CACNA1H: variants seen among roughly 807,000 people sequenced by gnomAD.
CACNA1H encodes the protein voltage-dependent T-type calcium channel subunit alpha-1H.
CACNA1H carries 149 observed loss-of-function variants against 192.5 expected under a neutral mutation model. The ratio of observed to expected loss-of-function variants is 0.77; its 90% CI spans 0.68 to 0.89. CACNA1H has a LOEUF of 0.89. Among genes scored for constraint, CACNA1H ranks in the 40% least tolerant of loss-of-function variants. The pLI is 0.00. For missense variants in CACNA1H, 4,257 were observed against 3,423.5 expected (o/e 1.24, Z -6.08); for synonymous variants, 2,202 against 1,475.2 (o/e 1.49, Z -11.29).
At position 1,167,596 on chromosome 16, in the gene CACNA1H, GGGGTTGC is replaced by G; in HGVS notation, c.299+13561_299+13567del. 1.3e-5 allele frequency among the ~76,000 whole-genome samples: 2 copies of G among 152,316 alleles called. No individual in the cohort carries two copies. The highest frequency in any genetic ancestry group is 3.4e-3 in the Middle Eastern group (1 of 294). ...TCCTCACCGCGGCGGTGCCACTAAT[GGGGTTGC>G]CGTGGCAACGCCTGTCACTAATCCC... On this transcript the variant is annotated intron_variant, in intron 2 of 34. Coordinates refer to ENST00000348261, the MANE Select transcript of CACNA1H (RefSeq NM_021098.3). This position sits in a 1 kb window ranked among gnomAD's most constrained non-coding sequence, Gnocchi z 4.2.
In CACNA1H at chr16:1,204,359, C is replaced by T; in HGVS notation, c.2352C>T (p.Gly784=). 6.3e-7 allele frequency: 1 copy of T among 1,576,012 alleles called. No homozygotes were observed. Among genetic ancestry groups the T allele is most frequent in the Non-Finnish European group, 8.6e-7 (1 of 1,161,868 alleles). ...WMGRLWVTFS[G]KLRRIVDSKY... is the part of the protein sequence containing the mutation. ...GCCGCCTCTGGGTTACCTTCAGCGGCAAGCTGCGCCGCATCGTGGACAGCA... is the reference window on the plus strand; with the variant it reads ...GCCGCCTCTGGGTTACCTTCAGCGGTAAGCTGCGCCGCATCGTGGACAGCA... The change falls in exon 10 of 35, where the codon GGC becomes GGT. Residue 784 remains glycine (G), a synonymous_variant. Transcript: ENST00000348261.
chr16:1,199,486 G>A lies in CACNA1H; in HGVS notation c.803+712G>A, dbSNP rs185303052. On this transcript the variant is annotated intron_variant, in intron 6 of 34. Coordinates refer to ENST00000348261, the MANE Select transcript of CACNA1H (RefSeq NM_021098.3). ...CACCCCCATCATGGCTCCACCCACC[G>A]TGCGGTCATTGCACATATGTCCCAC... Among the ~76,000 whole-genome samples the A allele has an allele frequency of 5.4e-3, 597 of 110,876 alleles. 89 individuals carry two copies. The highest frequency in any genetic ancestry group is 0.015 in the Middle Eastern group (4 of 260). The allele number at this position is 110,876 out of a possible 152,430, so 72.7% of individuals were successfully genotyped here.
At chr16:1,173,063 C>A (rs1964525209) in intron 2 of CACNA1H, among the ~76,000 whole-genome samples, 1 of 152,054 alleles carries the variant, frequency 6.6e-6, no homozygotes, top group Non-Finnish European at 1.5e-5. Context: ...TCTGTGTGGC[C>A]ATGGGCCTGG....
At chr16:1,190,256 T>G (rs896745892) in intron 2 of CACNA1H, among the ~76,000 whole-genome samples, 5 of 152,246 alleles carry the variant, frequency 3.3e-5, no homozygotes, top group Non-Finnish European at 7.3e-5. Context: ...CAGTGGAAAT[T>G]GATTCTAATT....
chr16:1,166,118 C>G (rs76985892), intron 2 of CACNA1H, among the ~76,000 whole-genome samples: 2 of 152,204 alleles, frequency 1.3e-5, no homozygotes, highest in African/African-American at 4.8e-5. Flanking sequence ...CTCACTCAGA[C>G]TCAGAGGATG....
At position 1,167,902 on chromosome 16, in the gene CACNA1H, C is replaced by G. The variant is rs946072216; in HGVS notation, c.299+13866C>G. ...TGGCAGCAGGTGCTCAGTAAGCACT[C>G]GCCCCACCAGTGCGTGGAGCACGTG... On this transcript the variant is annotated intron_variant, in intron 2 of 34. Coordinates refer to ENST00000348261, the MANE Select transcript of CACNA1H (RefSeq NM_021098.3). This position sits in a 1 kb window ranked among gnomAD's most constrained non-coding sequence, Gnocchi z 4.2. Among the ~76,000 whole-genome samples, 4 of 152,188 alleles carry G rather than the reference C, an allele frequency of 2.6e-5. No individual in the cohort carries two copies. The highest frequency in any genetic ancestry group is 6.5e-5 in the Admixed American group (1 of 15,292).
rs1299110799 is a variant in CACNA1H at position 1,218,725 on chromosome 16, G to A, written c.5887+74G>A. 6 of 1,242,342 alleles carry A rather than the reference G, an allele frequency of 4.8e-6. No homozygotes were observed. In the East Asian group the frequency reaches 1.3e-4, roughly 27 times the overall value. 77.0% of individuals were successfully genotyped at this position (1,242,342 alleles called of 1,614,324 possible). A position where few individuals can be genotyped will look rare whatever the true frequency, so the allele number is the denominator to read the frequency against. ...GAGGAAGATGGGGGCAGGTGGGAGG[G>A]AGGATGGGGTCAGGCCAGAGCAGGG... On this transcript the variant is annotated intron_variant, in intron 33 of 34. Transcript: ENST00000348261.
Position 1,202,034 on chromosome 16 carries a change from C to CTACCAT in CACNA1H, c.1586_1591dup (p.Tyr529_His530dup), listed in dbSNP as rs1967994697. On this transcript the variant is annotated inframe_insertion, in exon 9 of 35. Coordinates refer to ENST00000348261, the MANE Select transcript of CACNA1H (RefSeq NM_021098.3). ...ACCACCATCACCACCACCACCACCA[C>CTACCAT]TACCATTTCAGCCATGGCAGCCCCC... The CTACCAT allele has an allele frequency of 2.0e-6, 3 of 1,538,054 alleles. No individual in the cohort carries two copies. In the East Asian group the frequency reaches 7.4e-5, roughly 38 times the overall value.
At position 1,180,940 on chromosome 16, in the gene CACNA1H, TGGC is replaced by T. The variant is rs1298414026; in HGVS notation, c.300-14029_300-14027del. 6.6e-6 allele frequency among the ~76,000 whole-genome samples: 1 copy of T among 152,158 alleles called. No individual in the cohort carries two copies. Among genetic ancestry groups the T allele is most frequent in the Non-Finnish European group, 1.5e-5 (1 of 68,002 alleles). On this transcript the variant is annotated intron_variant, in intron 2 of 34. Coordinates refer to ENST00000348261, the MANE Select transcript of CACNA1H (RefSeq NM_021098.3). The surrounding 1 kb of genome is among the most constrained non-coding windows in gnomAD (Gnocchi z 4.4). ...CCCGTCTTCCCGCAGGAAAGCGCCT[TGGC>T]GGGACTGCTTCCGCCAGCTTCCCGG...
chr16:1,154,645 C>T (rs1248305300), intron 2 of CACNA1H, among the ~76,000 whole-genome samples: 2 of 152,100 alleles, frequency 1.3e-5, no homozygotes, highest in African/African-American at 4.8e-5. Flanking sequence ...AAGTCATGCG[C>T]AGCTGAAGGG....
At chr16:1,219,347 C>T (rs573631211) in intron 34 of CACNA1H, among the ~76,000 whole-genome samples, 5 of 152,322 alleles carry the variant, frequency 3.3e-5, no homozygotes, top group Non-Finnish European at 5.9e-5. Context: ...CTACAGAGCT[C>T]TTGGCTACAG....
In CACNA1H at chr16:1,209,070, C is replaced by A; in HGVS notation, c.3402C>A (p.Pro1134=). ...LRSSPCAPWG[P]SGAWSSRRSS... is the part of the protein sequence containing the mutation. ...GTTCTCCCTGTGCCCCCTGGGGCCC[C>A]AGTGGCGCCTGGAGCAGCCGGCGCT... Residue 1134 remains proline (P), a synonymous_variant, in exon 17 of 35, where the codon CCC becomes CCA. Transcript: ENST00000348261. 1 of 1,542,614 alleles carries A rather than the reference C, an allele frequency of 6.5e-7. No individual in the cohort carries two copies. Among genetic ancestry groups the A allele is most frequent in the Non-Finnish European group, 8.7e-7 (1 of 1,149,586 alleles).
At chr16:1,162,087 GCTGCCCTC>G (rs1350376482) in intron 2 of CACNA1H, among the ~76,000 whole-genome samples, 1 of 152,184 alleles carries the variant, frequency 6.6e-6, no homozygotes, top group Non-Finnish European at 1.5e-5. Flanking sequence ...AAATGGGCCT[GCTGCCCTC>G]CTGGCCTCTG....
chr16:1,157,407 G>A (rs1046262200), intron 2 of CACNA1H, among the ~76,000 whole-genome samples: 3 of 152,240 alleles, frequency 2.0e-5, no homozygotes, highest in Admixed American at 1.3e-4. Context: ...GGCTCTGAGG[G>A]CCACGTGTTT....
chr16:1,179,664 A>G (rs1255035936), intron 2 of CACNA1H, among the ~76,000 whole-genome samples: 2 of 143,182 alleles, frequency 1.4e-5, no homozygotes, highest in Non-Finnish European at 3.1e-5. Context: ...CCTGACCTCA[A>G]GTGATCCACC....
intron 2 of CACNA1H, among the ~76,000 whole-genome samples, chr16:1,175,393 G>A (rs1262524214): frequency 6.6e-6 from 1 of 152,164 alleles, no homozygotes; most frequent in Non-Finnish European, 1.5e-5. Flanking sequence ...TGTGGGGCAG[G>A]GCTTTGAGGG....
At chr16:1,164,402 C>A (rs1267214961) in intron 2 of CACNA1H, among the ~76,000 whole-genome samples, 1 of 152,100 alleles carries the variant, frequency 6.6e-6, no homozygotes, top group Non-Finnish European at 1.5e-5. Context: ...GTGCAGTCAC[C>A]CCTCACTGCC....
At chr16:1,161,847 C>G (rs966157252) in intron 2 of CACNA1H, among the ~76,000 whole-genome samples, 7 of 152,218 alleles carry the variant, frequency 4.6e-5, no homozygotes, top group African/African-American at 1.4e-4. Context: ...GGTCCCCTTG[C>G]CGCAGCCTGC....
Position 1,202,249 on chromosome 16 carries a change from C to G in CACNA1H, c.1799C>G (p.Ala600Gly). ...GCACATGCCGCAGCCACTGCCGCTGCCAGCCTCAGACTGGCCACAGGGCTG... is the reference window on the plus strand; with the variant it reads ...GCACATGCCGCAGCCACTGCCGCTGGCAGCCTCAGACTGGCCACAGGGCTG... The part of the protein sequence containing the change: ...RVAHAAATAA[A>G]SLRLATGLGT... The change falls in exon 9 of 35, where the codon GCC (alanine) becomes GGC (glycine). Residue 600 changes from alanine to glycine, a missense_variant. By Grantham distance (60) the Ala-to-Gly change is moderately conservative. Coordinates refer to ENST00000348261, the MANE Select transcript of CACNA1H (RefSeq NM_021098.3). The G allele has an allele frequency of 6.4e-7, 1 of 1,567,482 alleles. No homozygotes were observed. Among genetic ancestry groups the G allele is most frequent in the Non-Finnish European group, 8.6e-7 (1 of 1,158,340 alleles).
Sources: allele counts gnomAD v4.1 joint callset (sites outside exome capture counted in the v4.1 genomes callset), GRCh38; gene constraint gnomAD v4.1.1; non-coding constraint Gnocchi (gnomAD v3.1); transcripts MANE v1.5; gene names NCBI Gene and HGNC (gene_info 2026-07-23, HGNC 2026-07-21).